The following SYNJ2 variants were observed in gnomAD, a reference collection of about 807,000 sequenced individuals.
The protein encoded by SYNJ2 is synaptojanin 2, also known as polyphosphatidylinositol phosphatase SYNJ2.
SYNJ2 carries 116 observed loss-of-function variants against 141.3 expected under a neutral mutation model. The observed-to-expected ratio is 0.82, with a 90% CI of 0.71 to 0.96. The LOEUF (loss-of-function observed/expected upper bound fraction) is 0.96, where lower values mean the gene tolerates loss of function less well. Among genes scored for constraint, SYNJ2 ranks in the 40% least tolerant of loss-of-function variants. The pLI is 0.00. For synonymous variants in SYNJ2, 745 were observed against 777.7 expected, an observed-to-expected ratio of 0.96 and a Z score of 0.70; for missense variants, 1,873 against 1,934.8, an observed-to-expected ratio of 0.97 and a Z score of 0.60.
At chr6:158,058,987 A>T (rs2128359822) in intron 6 of SYNJ2, among the ~76,000 whole-genome samples, 1 of 152,328 alleles carries the variant, frequency 6.6e-6, no homozygotes, top group African/African-American at 2.4e-5. Flanking sequence ...ATATAATGGG[A>T]GGTGCTTTAT....
At chr6:158,067,545 G>A (rs918220001) in intron 12 of SYNJ2, 11 of 985,292 alleles carry the variant, frequency 1.1e-5, no homozygotes, top group Admixed American at 6.2e-5. Context: ...TCGTTGACTC[G>A]GGCCTTGGTT....
At chr6:158,008,400 G>T (rs927694230) in intron 1 of SYNJ2, among the ~76,000 whole-genome samples, 1 of 152,230 alleles carries the variant, frequency 6.6e-6, no homozygotes, top group African/African-American at 2.4e-5. Context: ...GCTTTGGCAT[G>T]CATTCAAGTC....
chr6:158,065,051 C>T, intron 11 of SYNJ2, 60 bp downstream of exon 11: 3 of 1,466,902 alleles, frequency 2.0e-6, no homozygotes, highest in South Asian at 2.8e-5. Context: ...GCCCCACTTT[C>T]CCACCGCCTC....
chr6:158,083,488 A>G lies in SYNJ2; in HGVS notation c.2925A>G (p.Arg975=), dbSNP rs61748683. 2,300 of 1,614,166 alleles carry G rather than the reference A, an allele frequency of 1.4e-3. 3 individuals carry two copies. Among genetic ancestry groups the G allele is most frequent in the South Asian group, 2.0e-3 (180 of 91,080 alleles). The part of the protein sequence containing the change: ...PKTKDWLKGL[R]EEIIRKRDSM... ...CCAAGGACTGGCTGAAAGGTTTGCGAGAGGAGATCATTCGGAAACGAGACA... is the reference window on the plus strand; with the variant it reads ...CCAAGGACTGGCTGAAAGGTTTGCGGGAGGAGATCATTCGGAAACGAGACA... The change falls in exon 21 of 27, where the codon CGA becomes CGG. Residue 975 remains arginine, a synonymous_variant. Coordinates refer to ENST00000355585, the MANE Select transcript of SYNJ2 (RefSeq NM_003898.4).
intron 8 of SYNJ2, 37 bp downstream of exon 8, chr6:158,062,201 G>C (rs758445233): frequency 1.3e-6 from 2 of 1,597,202 alleles, no homozygotes; most frequent in Middle Eastern, 2.1e-4. Context: ...GTCTTCTGCT[G>C]GGGGGAAGCG....
At chr6:158,080,676 C>T (rs1885544) in intron 18 of SYNJ2, among the ~76,000 whole-genome samples, 81,579 of 151,898 alleles carry the variant, frequency 0.54, 22,334 homozygotes, top group African/African-American at 0.64. Context: ...AAGTAACCCT[C>T]TGAAAAGCTT....
intron 16 of SYNJ2, 115 bp from the exon 17 acceptor site, chr6:158,076,511 T>G: frequency 5.1e-6 from 6 of 1,186,010 alleles, no homozygotes; most frequent in South Asian, 1.5e-5. Context: ...TCAAATGTAA[T>G]GGAGCTTCTG....
chr6:158,007,832 TA>T (rs897589702), intron 1 of SYNJ2, among the ~76,000 whole-genome samples: 3 of 152,040 alleles, frequency 2.0e-5, no homozygotes, highest in African/African-American at 7.2e-5. Context: ...TAGTAGAGAC[TA>T]AAAACAGGGT....
intron 12 of SYNJ2, 72 bp downstream of exon 12, chr6:158,066,707 G>A: frequency 7.3e-7 from 1 of 1,364,044 alleles, no homozygotes; most frequent in Non-Finnish European, 1.0e-6. Flanking sequence ...TGACCCTTTA[G>A]TGGCCATCGT....
chr6:158,071,866 C>G lies in SYNJ2; in HGVS notation c.2133+72C>G. ...TCCCAAATGTGACTGTTGATAGGAG[C>G]CAGGCACTGGGGACACAACCACAGG... On this transcript the variant is annotated intron_variant, in intron 15 of 26. Coordinates refer to ENST00000355585, the MANE Select transcript of SYNJ2 (RefSeq NM_003898.4). The surrounding 1 kb of genome is among the most constrained non-coding windows in gnomAD (Gnocchi z 4.3). The G allele has an allele frequency of 1.3e-6, 2 of 1,523,642 alleles. No individual in the cohort carries two copies. Among genetic ancestry groups the G allele is most frequent in the Non-Finnish European group, 1.8e-6 (2 of 1,129,058 alleles). 94.4% of individuals were successfully genotyped at this position (1,523,642 alleles called of 1,614,324 possible).
Position 158,081,279 on chromosome 6 carries a change from C to T in SYNJ2, c.2738C>T (p.Thr913Ile). ...AACGAGTTTCCAGAGGACCTGCGTA[C>T]TGAGCTCATGCAGACCTTGGGGAGT... ...EKNEFPEDLR[T>I]ELMQTLGSYG... Residue 913 changes from threonine (T) to isoleucine (I), a missense_variant, in exon 19 of 27, where the codon ACT (threonine) becomes ATT (isoleucine). Thr to Ile is a moderately conservative substitution (Grantham distance 89, BLOSUM62 -1). Transcript: ENST00000355585. The T allele has an allele frequency of 6.2e-7, 1 of 1,614,178 alleles. No homozygotes were observed. The highest frequency in any genetic ancestry group is 8.5e-7 in the Non-Finnish European group (1 of 1,180,024).
rs774099466 is a variant in SYNJ2 at position 158,095,956 on chromosome 6, C to T, written c.4083C>T (p.Tyr1361=). ...SNSQLLQGLT[Y]NSSDSPSGHP... is the part of the protein sequence containing the mutation. Reference sequence around the variant, plus strand: ...GCCAGCTTCTCCAGGGCCTCACTTACAATAGCAGTGACAGCCCCTCTGGGC... The same window carrying T: ...GCCAGCTTCTCCAGGGCCTCACTTATAATAGCAGTGACAGCCCCTCTGGGC... The change falls in exon 27 of 27, where the codon TAC becomes TAT. Residue 1361 remains tyrosine (Y), a synonymous_variant. Coordinates refer to ENST00000355585, the MANE Select transcript of SYNJ2 (RefSeq NM_003898.4). 1.9e-6 allele frequency: 3 copies of T among 1,614,196 alleles called. No individual in the cohort carries two copies. Among genetic ancestry groups the T allele is most frequent in the Non-Finnish European group, 2.5e-6 (3 of 1,180,034 alleles).
intron 1 of SYNJ2, among the ~76,000 whole-genome samples, chr6:157,990,428 T>G (rs1430891536): frequency 6.6e-6 from 1 of 151,938 alleles, no homozygotes; most frequent in African/African-American, 2.4e-5. Flanking sequence ...GGACAGGGCC[T>G]CACCCCCGCA....
rs9347033 is a variant in SYNJ2 at position 158,038,084 on chromosome 6, G to A, written c.711+4404G>A. Among the ~76,000 whole-genome samples, 253 of 152,332 alleles carry A rather than the reference G, an allele frequency of 1.7e-3. 7 individuals carry two copies. In the East Asian group the frequency reaches 0.037, roughly 22 times the overall value. On this transcript the variant is annotated intron_variant, in intron 4 of 26. Transcript: ENST00000355585. ...TGAATCTCCCACCTCGGGCAGCCTG[G>A]CAAGGCCATAGAGATATGAACAGCC...
chr6:158,037,747 C>A (rs1779718921), intron 4 of SYNJ2, among the ~76,000 whole-genome samples: 1 of 152,192 alleles, frequency 6.6e-6, no homozygotes, highest in African/African-American at 2.4e-5. Flanking sequence ...ACCCTATTTC[C>A]AAACAAGTTC....
At chr6:158,069,046 G>A (rs894214036) in intron 13 of SYNJ2, among the ~76,000 whole-genome samples, 6 of 152,218 alleles carry the variant, frequency 3.9e-5, no homozygotes, top group Non-Finnish European at 7.3e-5. Context: ...TGGGGTGCAG[G>A]GGAAGGGCGG....
chr6:158,094,844 T>C (rs931211159), intron 26 of SYNJ2, among the ~76,000 whole-genome samples: 1 of 152,214 alleles, frequency 6.6e-6, no homozygotes, highest in Admixed American at 6.5e-5. Context: ...TTTACCAATA[T>C]TTAAGTATAA....
intron 2 of SYNJ2, 55 bp downstream of exon 2, chr6:158,017,345 C>T: frequency 6.4e-7 from 1 of 1,560,986 alleles, no homozygotes; most frequent in Non-Finnish European, 8.6e-7. Context: ...GGGCAGGAGC[C>T]TCTGTGTCGG....
intron 4 of SYNJ2, among the ~76,000 whole-genome samples, chr6:158,035,582 A>G (rs9459185): frequency 0.047 from 7,090 of 152,258 alleles, 553 homozygotes; most frequent in African/African-American, 0.16. Flanking sequence ...TAGATATAGA[A>G]TCATGTTGAT....
Sources: allele counts gnomAD v4.1 joint callset (sites outside exome capture counted in the v4.1 genomes callset), GRCh38; gene constraint gnomAD v4.1.1; non-coding constraint Gnocchi (gnomAD v3.1); transcripts MANE v1.5; gene names NCBI Gene and HGNC (gene_info 2026-07-23, HGNC 2026-07-21).